Variants in NLRC3 observed in about 807,000 individuals in gnomAD.
The protein encoded by NLRC3 is NLR family CARD domain containing 3.
In NLRC3, 87 loss-of-function variants were observed where a neutral mutation model predicts 91.6. The observed-to-expected ratio is 0.95, with a 90% CI of 0.80 to 1.14. The LOEUF is 1.14. NLRC3 is among the 50% of genes most tolerant of loss of function. NLRC3 has a pLI of 0.00. For synonymous variants in NLRC3, 694 were observed against 625.3 expected (o/e 1.11, Z -1.64); for missense variants, 1,577 against 1,418.6 (o/e 1.11, Z -1.79).
chr16:3,541,689 TCCTC>T lies in NLRC3; in HGVS notation c.*132_*135del. On this transcript the variant is annotated 3_prime_UTR_variant, in exon 20 of 20. Transcript: ENST00000359128. ...GACCTCCTCCGGCAGCACCTCTCCT[TCCTC>T]CCTGCAGAGCCCGGCTCTCGTGCTG... The T allele has an allele frequency of 7.8e-6, 5 of 643,610 alleles. No homozygotes were observed. Among genetic ancestry groups the T allele is most frequent in the South Asian group, 5.6e-5 (3 of 53,744 alleles). 39.9% of individuals were successfully genotyped at this position (643,610 alleles called of 1,614,324 possible).
intron 17 of NLRC3, 195 bp downstream of exon 17, chr16:3,543,230 C>G (rs925876554): frequency 1.7e-6 from 1 of 577,102 alleles, no homozygotes; most frequent in Admixed American, 2.7e-5. Flanking sequence ...AAGGCCAACC[C>G]GGAGAGGAGG....
intron 14 of NLRC3, 83 bp from the exon 15 acceptor site, chr16:3,548,301 G>GGATTCCACCTCCTGCC: frequency 1.9e-6 from 2 of 1,076,144 alleles, no homozygotes; most frequent in Non-Finnish European, 1.4e-6. Flanking sequence ...CTGATGGCAG[G>GGATTCCACCTCCTGCC]AGGTGGAATC....
Position 3,565,364 on chromosome 16 carries a change from G to T in NLRC3, c.-70C>A. 1 of 562,582 alleles carries T rather than the reference G, an allele frequency of 1.8e-6. No homozygotes were observed. The highest frequency in any genetic ancestry group is 1.5e-5 in the South Asian group (1 of 65,434). 34.8% of individuals were successfully genotyped at this position (562,582 alleles called of 1,614,324 possible). On this transcript the variant is annotated 5_prime_UTR_variant, in exon 3 of 20. Transcript: ENST00000359128. ...GGCTGAGTCACCTCTCTGCGCCTTG[G>T]TGTCTTCATTTGTGACCTGGAAATG...
At chr16:3,568,790 A>C (rs188710465) in intron 1 of NLRC3, among the ~76,000 whole-genome samples, 1 of 152,228 alleles carries the variant, frequency 6.6e-6, no homozygotes, top group Non-Finnish European at 1.5e-5. Flanking sequence ...CATGTGGGTA[A>C]TTTGAGGTCC....
rs1330914530 is a variant in NLRC3, at chr16:3,565,037, G to A, written c.-1C>T. ...CCGTCCGCACCTCTTGCTTCCTCAT[G>A]GAGTCGGGGATCACCTCCAGGAGCT... On this transcript the variant is annotated 5_prime_UTR_variant, in exon 4 of 20. Transcript: ENST00000359128. 1 of 1,608,328 alleles carries A rather than the reference G, an allele frequency of 6.2e-7. No homozygotes were observed. The highest frequency in any genetic ancestry group is 8.5e-7 in the Non-Finnish European group (1 of 1,179,594).
Position 3,573,353 on chromosome 16 carries a change from C to T in NLRC3, c.-169+3796G>A, listed in dbSNP as rs1469920613. Among the ~76,000 whole-genome samples, 4 of 152,106 alleles carry T rather than the reference C, an allele frequency of 2.6e-5. No homozygotes were observed. The East Asian group carries it at 5.8e-4, about 22-fold the overall frequency. Reference sequence around the variant, plus strand: ...TGAGGTGGGAGGATCGCTTAACTCCCGCCGTCAAGGCTGCAGTTAGCTGAG... The same window carrying T: ...TGAGGTGGGAGGATCGCTTAACTCCTGCCGTCAAGGCTGCAGTTAGCTGAG... On this transcript the variant is annotated intron_variant, in intron 1 of 19. Coordinates refer to ENST00000359128, the MANE Select transcript of NLRC3 (RefSeq NM_178844.4).
At chr16:3,568,482 G>A (rs887006488) in intron 1 of NLRC3, among the ~76,000 whole-genome samples, 1 of 152,196 alleles carries the variant, frequency 6.6e-6, no homozygotes, top group African/African-American at 2.4e-5. Flanking sequence ...CCAGCACTTT[G>A]GGAGGCTGAG....
chr16:3,565,469 C>CAAAAAAAAAAA (rs57860901), intron 2 of NLRC3, 89 bp from the exon 3 acceptor site: 3 of 44,258 alleles, frequency 6.8e-5, no homozygotes, highest in Non-Finnish European at 1.2e-4. Flanking sequence ...TGGGAAAAAG[C>CAAAAAAAAAAA]AAAAAAAAAA....
rs778901842 is a variant in NLRC3, at chr16:3,544,261, G to C, written c.2840C>G (p.Ala947Gly). The stretch of plus-strand genomic sequence containing the variant: ...TAGGACTTACTAGAGAGCAGTGAGG[G>C]CTGTGTTGACCTTCAGTGCACGGGC... ...AVARALKVNT[A>G]LTALYLQVAS... Residue 947 changes from alanine (A) to glycine (G), a missense_variant, in exon 16 of 20, where the codon GCC becomes GGC. By Grantham distance (60) the Ala-to-Gly change is moderately conservative. Transcript: ENST00000359128. 2 of 1,608,696 alleles carry C rather than the reference G, an allele frequency of 1.2e-6. No individual in the cohort carries two copies. The highest frequency in any genetic ancestry group is 2.2e-5 in the South Asian group (2 of 90,984).
rs771548025 is a variant in NLRC3 at position 3,564,893 on chromosome 16, C to T, written c.144G>A (p.Arg48=). 4 of 1,609,708 alleles carry T rather than the reference C, an allele frequency of 2.5e-6. No individual in the cohort carries two copies. Among genetic ancestry groups the T allele is most frequent in the Non-Finnish European group, 3.4e-6 (4 of 1,179,524 alleles). The change falls in exon 4 of 20, where the codon AGG becomes AGA. Residue 48 remains arginine (R), a synonymous_variant. Transcript: ENST00000359128. The surrounding 1 kb of genome is among the most constrained non-coding windows in gnomAD (Gnocchi z 5.9). ...QGSQAPQALD[R]TPDAPLGPCS... ...AGGGCCCCAGCGGGGCATCCGGTGT[C>T]CTATCCAGGGCCTGCGGGGCCTGGG...
intron 8 of NLRC3, 131 bp downstream of exon 8, chr16:3,556,780 G>T: frequency 1.5e-6 from 1 of 663,160 alleles, no homozygotes; most frequent in Non-Finnish European, 2.7e-6. Flanking sequence ...TGGGATTACA[G>T]ATGTGAGCCA....
chr16:3,543,320 A>G (rs2151079845), intron 17 of NLRC3, 105 bp downstream of exon 17: 1 of 798,628 alleles, frequency 1.3e-6, no homozygotes. Context: ...GAAGATCACC[A>G]GGATGATTTG....
intron 1 of NLRC3, among the ~76,000 whole-genome samples, chr16:3,574,520 G>A (rs2151109875): frequency 6.6e-6 from 1 of 152,292 alleles, no homozygotes; most frequent in Middle Eastern, 3.4e-3. Flanking sequence ...GGAAGGCGGG[G>A]ACGGGGTGTA....
intron 15 of NLRC3, among the ~76,000 whole-genome samples, 175 bp downstream of exon 15, chr16:3,547,960 C>T (rs1009186321): frequency 5.3e-5 from 8 of 152,228 alleles, no homozygotes; most frequent in Non-Finnish European, 8.8e-5. Context: ...CGTGAGCCAA[C>T]GCACCCGGCC....
intron 1 of NLRC3, among the ~76,000 whole-genome samples, chr16:3,571,982 G>A (rs1460311157): frequency 2.0e-5 from 3 of 151,494 alleles, no homozygotes; most frequent in African/African-American, 4.8e-5. Flanking sequence ...AGTAATAATA[G>A]ATGCCATAAA....
intron 10 of NLRC3, among the ~76,000 whole-genome samples, chr16:3,551,046 C>G (rs1468413522): frequency 2.0e-5 from 3 of 152,050 alleles, no homozygotes; most frequent in Non-Finnish European, 4.4e-5. Flanking sequence ...TTCATCCATC[C>G]ACTCATCCAT....
chr16:3,552,745 T>G (rs2039081399), intron 9 of NLRC3, among the ~76,000 whole-genome samples: 1 of 152,034 alleles, frequency 6.6e-6, no homozygotes, highest in Non-Finnish European at 1.5e-5. Flanking sequence ...ATCGAGACTA[T>G]CCTGGCCAAC....
Position 3,565,821 on chromosome 16 carries a change from C to T in NLRC3, c.-86-441G>A, listed in dbSNP as rs150442439. Among the ~76,000 whole-genome samples the T allele has an allele frequency of 4.4e-3, 665 of 152,080 alleles. 4 individuals carry two copies. The highest frequency in any genetic ancestry group is 0.015 in the African/African-American group (630 of 41,480). On this transcript the variant is annotated intron_variant, in intron 2 of 19. Transcript: ENST00000359128. ...ACTTTGGGAGCCTGAGGTGATGGAT[C>T]GCTTGAGCCCAGGAGTTTGAGACCA...
chr16:3,568,351 G>A (rs981667455), intron 1 of NLRC3, among the ~76,000 whole-genome samples: 5 of 152,146 alleles, frequency 3.3e-5, no homozygotes, highest in Non-Finnish European at 5.9e-5. Context: ...AACAGGCCAG[G>A]GCAAGGCCAG....
Sources: allele counts gnomAD v4.1 joint callset (sites outside exome capture counted in the v4.1 genomes callset), GRCh38; gene constraint gnomAD v4.1.1; non-coding constraint Gnocchi (gnomAD v3.1); transcripts MANE v1.5; gene names NCBI Gene and HGNC (gene_info 2026-07-23, HGNC 2026-07-21).